The following MED26 variants were observed in gnomAD, a reference collection of about 807,000 sequenced individuals.
MED26 encodes the protein mediator of RNA polymerase II transcription subunit 26.
A neutral mutation model predicts 43.7 loss-of-function variants in MED26; 7 were observed. The observed-to-expected ratio is 0.16, with a 90% confidence interval of 0.09 to 0.30. MED26 has a LOEUF of 0.30. Ranked by LOEUF, MED26 falls within the 10% of genes least tolerant of loss-of-function variation. The probability of loss-of-function intolerance (pLI) is 1.00; values close to 1 mark genes in which losing one functional copy is unlikely to be tolerated. For synonymous variants in MED26, 375 were observed against 371.1 expected (o/e 1.01, Z -0.12); for missense variants, 784 against 840.6 (o/e 0.93, Z 0.83).
At chr19:16,585,241 C>T (rs530224543) in intron 1 of MED26, among the ~76,000 whole-genome samples, 1 of 152,286 alleles carries the variant, frequency 6.6e-6, no homozygotes, top group South Asian at 2.1e-4. Context: ...CGGTCCGACT[C>T]TCAGGTGTCC....
chr19:16,591,590 T>C (rs540242225), intron 1 of MED26, among the ~76,000 whole-genome samples: 5 of 152,244 alleles, frequency 3.3e-5, no homozygotes, highest in African/African-American at 9.6e-5. Flanking sequence ...ACACACCCCC[T>C]TGTATGCCTA....
At chr19:16,582,711 G>C (rs895713222) in intron 1 of MED26, among the ~76,000 whole-genome samples, 2 of 152,080 alleles carry the variant, frequency 1.3e-5, no homozygotes, top group African/African-American at 4.8e-5. Flanking sequence ...GGGGAGGGCA[G>C]CACCTAAGGT....
intron 1 of MED26, among the ~76,000 whole-genome samples, chr19:16,609,797 TA>T (rs952211669): frequency 3.3e-5 from 5 of 151,558 alleles, no homozygotes; most frequent in African/African-American, 9.7e-5. Flanking sequence ...CAATGTTTAC[TA>T]AAAAAAATGC....
Position 16,599,352 on chromosome 19 carries a change from C to T in MED26, c.73-20943G>A, listed in dbSNP as rs192484468. Among the ~76,000 whole-genome samples, 245 of 152,238 alleles carry T rather than the reference C, an allele frequency of 1.6e-3. 5 individuals are homozygous for T. Among genetic ancestry groups the T allele is most frequent in the Non-Finnish European group, 9.7e-4 (66 of 68,014 alleles). On this transcript the variant is annotated intron_variant, in intron 1 of 2. Coordinates refer to ENST00000263390, the MANE Select transcript of MED26 (RefSeq NM_004831.5). ...AACCCATAGGCTTTGCTTTATTTAT[C>T]AGCAGCCCCTTCAAATCACAGATAA...
At chr19:16,604,342 T>C (rs890410243) in intron 1 of MED26, among the ~76,000 whole-genome samples, 12 of 152,234 alleles carry the variant, frequency 7.9e-5, no homozygotes, top group Non-Finnish European at 1.3e-4. Flanking sequence ...TCCAGAGGGA[T>C]AGAAGAACTG....
At position 16,575,940 on chromosome 19, in the gene MED26, C is replaced by T. The variant is rs1194610735; in HGVS notation, c.*87G>A. On this transcript the variant is annotated 3_prime_UTR_variant, in exon 3 of 3. Transcript: ENST00000263390. ...CTCCCCGAGTTCCCAGCGCAGGAGG[C>T]AGCTGGGCCCCGGCCACCTGCCCAC... The T allele has an allele frequency of 8.5e-6, 11 of 1,294,126 alleles. No individual in the cohort carries two copies. In the East Asian group the frequency reaches 2.0e-4, roughly 23 times the overall value. The allele number at this position is 1,294,126 out of a possible 1,614,324, so 80.2% of individuals were successfully genotyped here.
At position 16,617,136 on chromosome 19, in the gene MED26, C is replaced by T. The variant is rs191077193; in HGVS notation, c.72+10736G>A. On this transcript the variant is annotated intron_variant, in intron 1 of 2. Transcript: ENST00000263390. ...AGGAGGTGCCCACTCGGTCACACCCCTAACTCCTTGTTGGGCTGACAGCGT... is the reference window on the plus strand; with the variant it reads ...AGGAGGTGCCCACTCGGTCACACCCTTAACTCCTTGTTGGGCTGACAGCGT... Among the ~76,000 whole-genome samples the T allele has an allele frequency of 1.5e-3, 231 of 152,280 alleles. 1 individual carries two copies. Among genetic ancestry groups the T allele is most frequent in the Non-Finnish European group, 2.3e-3 (156 of 68,004 alleles).
chr19:16,618,450 G>A (rs1160652641), intron 1 of MED26, among the ~76,000 whole-genome samples: 1 of 152,166 alleles, frequency 6.6e-6, no homozygotes, highest in African/African-American at 2.4e-5. Flanking sequence ...GCGTGACAGC[G>A]AGGTCCCCAA....
intron 1 of MED26, among the ~76,000 whole-genome samples, chr19:16,580,760 A>G (rs1184684455): frequency 6.6e-6 from 1 of 152,104 alleles, no homozygotes; most frequent in Non-Finnish European, 1.5e-5. Context: ...AGGGCACTGC[A>G]TCCAGCTCAC....
chr19:16,590,769 G>A (rs2086092053), intron 1 of MED26, among the ~76,000 whole-genome samples: 1 of 152,068 alleles, frequency 6.6e-6, no homozygotes, highest in Non-Finnish European at 1.5e-5. Flanking sequence ...CAGGCACAGC[G>A]GCTCACACCT....
chr19:16,591,399 C>T (rs927071602), intron 1 of MED26, among the ~76,000 whole-genome samples: 1 of 152,214 alleles, frequency 6.6e-6, no homozygotes, highest in Non-Finnish European at 1.5e-5. Context: ...CAGTAGGCAC[C>T]TGCTTTTTCC....
At chr19:16,605,786 C>A (rs779029757) in intron 1 of MED26, among the ~76,000 whole-genome samples, 1 of 152,084 alleles carries the variant, frequency 6.6e-6, no homozygotes, top group Non-Finnish European at 1.5e-5. Flanking sequence ...TCCATGGCAC[C>A]GGGAGGAAGA....
At chr19:16,603,366 A>G (rs547664977) in intron 1 of MED26, among the ~76,000 whole-genome samples, 5 of 152,294 alleles carry the variant, frequency 3.3e-5, no homozygotes, top group African/African-American at 1.2e-4. Context: ...AGTGCCAGCC[A>G]GCTGGAGGTG....
intron 1 of MED26, among the ~76,000 whole-genome samples, chr19:16,618,380 A>G (rs1257108910): frequency 6.6e-6 from 1 of 152,028 alleles, no homozygotes; most frequent in Non-Finnish European, 1.5e-5. Flanking sequence ...ACCATTCAAG[A>G]CTGTCTCCAG....
At chr19:16,591,162 C>CA (rs1568282965) in intron 1 of MED26, among the ~76,000 whole-genome samples, 2 of 152,106 alleles carry the variant, frequency 1.3e-5, no homozygotes, top group African/African-American at 4.8e-5. Flanking sequence ...GGAGGGATGG[C>CA]AGGCAGAGAG....
chr19:16,592,220 C>G (rs1005864408), intron 1 of MED26, among the ~76,000 whole-genome samples: 3 of 152,196 alleles, frequency 2.0e-5, no homozygotes, highest in African/African-American at 7.2e-5. Context: ...GTGACTCATC[C>G]AATCCCTCTG....
At chr19:16,607,876 C>G (rs1230764458) in intron 1 of MED26, among the ~76,000 whole-genome samples, 1 of 152,262 alleles carries the variant, frequency 6.6e-6, no homozygotes, top group African/African-American at 2.4e-5. Context: ...GCCTCCCCTT[C>G]AGGGCAGCTG....
chr19:16,614,952 T>C (rs2086216903), intron 1 of MED26, among the ~76,000 whole-genome samples: 1 of 152,232 alleles, frequency 6.6e-6, no homozygotes, highest in African/African-American at 2.4e-5. Context: ...GGTTAGGCAA[T>C]GCTACTTCTG....
chr19:16,601,391 G>A (rs529746479), intron 1 of MED26, among the ~76,000 whole-genome samples: 2 of 152,258 alleles, frequency 1.3e-5, no homozygotes, highest in Admixed American at 6.5e-5. Flanking sequence ...CCAACCTCAC[G>A]TTATCTGTCC....
Sources: gnomAD v4.1 joint callset for allele counts (sites outside exome capture counted in the v4.1 genomes callset) on GRCh38, gnomAD v4.1.1 for gene constraint, MANE v1.5 for transcripts, NCBI Gene and HGNC (gene_info 2026-07-23, HGNC 2026-07-21) for gene names.